The following MTOR variants were observed in gnomAD, a reference collection of about 807,000 sequenced individuals.
MTOR encodes the protein serine/threonine-protein kinase mTOR.
In MTOR, 70 loss-of-function variants were observed where a neutral mutation model predicts 319.8. The ratio of observed to expected loss-of-function variants is 0.22; its 90% CI spans 0.18 to 0.27. MTOR has a LOEUF of 0.27. MTOR is among the 10% of genes least tolerant of loss of function. The pLI is 1.00. For missense variants in MTOR, 1,890 were observed against 3,274.4 expected, an observed-to-expected ratio of 0.58 and a Z score of 10.32; for synonymous variants, 1,183 against 1,211.4, an observed-to-expected ratio of 0.98 and a Z score of 0.49.
At chr1:11,229,445 A>G (rs919987931) in intron 18 of MTOR, among the ~76,000 whole-genome samples, 1 of 152,154 alleles carries the variant, frequency 6.6e-6, no homozygotes, top group Non-Finnish European at 1.5e-5. Flanking sequence ...TGAAGAGTGC[A>G]GCGAGGAGGG....
chr1:11,252,574 A>G (rs1319448869), intron 6 of MTOR, among the ~76,000 whole-genome samples: 4 of 152,208 alleles, frequency 2.6e-5, no homozygotes, highest in Non-Finnish European at 5.9e-5. Flanking sequence ...AAATGAGGCT[A>G]AACAGGTAAC....
At chr1:11,243,885 G>A (rs1200723825) in intron 8 of MTOR, among the ~76,000 whole-genome samples, 4 of 151,930 alleles carry the variant, frequency 2.6e-5, no homozygotes, top group Admixed American at 2.6e-4. Context: ...TGGGCCGGGT[G>A]CAGTGTCTCA....
intron 4 of MTOR, 129 bp downstream of exon 4, chr1:11,256,804 C>G: frequency 1.2e-6 from 1 of 861,736 alleles, no homozygotes; most frequent in Non-Finnish European, 1.8e-6. Context: ...TCTACCCCAT[C>G]TCACAGCCTG....
At chr1:11,131,017 A>G (rs933313729) in intron 38 of MTOR, 1 of 585,606 alleles carries the variant, frequency 1.7e-6, no homozygotes, top group African/African-American at 1.9e-5. Flanking sequence ...GCACAGCAAG[A>G]GGAGCAGGAG....
intron 28 of MTOR, among the ~76,000 whole-genome samples, chr1:11,175,658 C>T (rs576370345): frequency 6.6e-6 from 1 of 152,146 alleles, no homozygotes; most frequent in South Asian, 2.1e-4. Context: ...GGCAAAGGCC[C>T]TGTCAGGAGT....
chr1:11,124,226 AG>A (rs1557750016), intron 47 of MTOR, among the ~76,000 whole-genome samples: 1 of 152,148 alleles, frequency 6.6e-6, no homozygotes, highest in Non-Finnish European at 1.5e-5. Context: ...CACCATGCCC[AG>A]CCTTTTTCTT....
intron 28 of MTOR, among the ~76,000 whole-genome samples, chr1:11,182,657 C>T (rs1028985971): frequency 3.9e-5 from 6 of 152,202 alleles, no homozygotes; most frequent in African/African-American, 1.4e-4. Context: ...CCAATCACTG[C>T]TCCCCTCTGT....
intron 49 of MTOR, among the ~76,000 whole-genome samples, chr1:11,120,816 G>A (rs1642485531): frequency 6.6e-6 from 1 of 151,896 alleles, no homozygotes; most frequent in Non-Finnish European, 1.5e-5. Flanking sequence ...ATTTCTTATT[G>A]TTATATATAT....
chr1:11,180,382 T>C (rs1210889024), intron 28 of MTOR, among the ~76,000 whole-genome samples: 1 of 152,246 alleles, frequency 6.6e-6, no homozygotes, highest in Non-Finnish European at 1.5e-5. Flanking sequence ...AACATGTGTT[T>C]AGAATTAAGA....
chr1:11,109,710 T>C lies in MTOR; in HGVS notation c.7386A>G (p.Glu2462=). Residue 2462 remains glutamate, a synonymous_variant, in exon 55 of 58, where the codon GAA becomes GAG. Coordinates refer to ENST00000361445, the MANE Select transcript of MTOR (RefSeq NM_004958.4). This position sits in a 1 kb window ranked among gnomAD's most constrained non-coding sequence, Gnocchi z 4.0. ...TTTTCTTATGGGCTGGCTCTCCAAG[T>C]TCCACACCGTCCAAAATTTCTATGG... ...GQSVEILDGV[E]LGEPAHKKTG... 1 of 1,614,036 alleles carries C rather than the reference T, an allele frequency of 6.2e-7. No homozygotes were observed. Among genetic ancestry groups the C allele is most frequent in the Non-Finnish European group, 8.5e-7 (1 of 1,179,974 alleles).
At chr1:11,175,139 A>G (rs543527950) in intron 28 of MTOR, among the ~76,000 whole-genome samples, 47 of 152,348 alleles carry the variant, frequency 3.1e-4, no homozygotes, top group African/African-American at 1.1e-3. Context: ...ATTCTACTCC[A>G]GTTTCCAGTT....
chr1:11,116,577 T>C (rs1642180000), intron 50 of MTOR, among the ~76,000 whole-genome samples: 1 of 152,202 alleles, frequency 6.6e-6, no homozygotes, highest in Non-Finnish European at 1.5e-5. Flanking sequence ...CCCAAAGTGC[T>C]GGAATTATAG....
chr1:11,203,274 T>A (rs879632294), intron 26 of MTOR, among the ~76,000 whole-genome samples: 4 of 152,126 alleles, frequency 2.6e-5, no homozygotes, highest in Admixed American at 2.6e-4. Flanking sequence ...AAAAAAGATG[T>A]CTAAAGTGAT....
chr1:11,111,186 A>C, intron 54 of MTOR: 1 of 455,476 alleles, frequency 2.2e-6, no homozygotes, highest in South Asian at 1.6e-5. Flanking sequence ...AATAAGGATA[A>C]ATTACCCTTT....
chr1:11,215,579 C>T (rs941502991), intron 20 of MTOR, among the ~76,000 whole-genome samples: 12 of 152,166 alleles, frequency 7.9e-5, no homozygotes, highest in Non-Finnish European at 1.3e-4. Context: ...TTATATAGAA[C>T]ACAAGGAAAA....
intron 6 of MTOR, among the ~76,000 whole-genome samples, chr1:11,248,681 T>C (rs187027273): frequency 2.0e-5 from 3 of 151,756 alleles, no homozygotes; most frequent in African/African-American, 7.3e-5. Flanking sequence ...GGCGTGGTGG[T>C]GGGCACCTGT....
chr1:11,248,663 A>C (rs940385717), intron 6 of MTOR, among the ~76,000 whole-genome samples: 7 of 151,832 alleles, frequency 4.6e-5, no homozygotes, highest in African/African-American at 1.7e-4. Flanking sequence ...AATACAAAAA[A>C]TTAGCTGGGC....
chr1:11,134,234 G>T, intron 37 of MTOR, 117 bp downstream of exon 37: 1 of 825,278 alleles, frequency 1.2e-6, no homozygotes. Context: ...TACTGGAAAA[G>T]GAAAGAGAGA....
chr1:11,116,962 A>G, intron 50 of MTOR, 42 bp downstream of exon 50: 1 of 1,449,404 alleles, frequency 6.9e-7, no homozygotes, highest in Non-Finnish European at 9.5e-7. Flanking sequence ...GGAAAACTAC[A>G]ATGGAGAAAG....
Sources: gnomAD v4.1 joint callset for allele counts (sites outside exome capture counted in the v4.1 genomes callset) on GRCh38, gnomAD v4.1.1 for gene constraint, Gnocchi (gnomAD v3.1) non-coding constraint, MANE v1.5 for transcripts, NCBI Gene and HGNC (gene_info 2026-07-23, HGNC 2026-07-21) for gene names.